Variants in EPHA4 observed in about 807,000 individuals in gnomAD.
EPHA4 encodes the protein EPH receptor A4.
EPHA4 carries 19 observed loss-of-function variants against 108.3 expected under a neutral mutation model. The ratio of observed to expected loss-of-function variants is 0.18; its 90% CI spans 0.12 to 0.26. The LOEUF (loss-of-function observed/expected upper bound fraction) is 0.26. EPHA4 is among the 10% of genes least tolerant of loss of function. The probability of loss-of-function intolerance (pLI) is 1.00; values close to 1 mark genes in which losing one functional copy is unlikely to be tolerated. For synonymous variants in EPHA4, 449 were observed against 455.5 expected, an observed-to-expected ratio of 0.99 and a Z score of 0.18; for missense variants, 917 against 1,254.0, an observed-to-expected ratio of 0.73 and a Z score of 4.06.
chr2:221,443,736 G>A, intron 9 of EPHA4, 130 bp from the exon 10 acceptor site: 1 of 533,626 alleles, frequency 1.9e-6, no homozygotes, highest in Non-Finnish European at 3.3e-6. Context: ...ATATGAAAAT[G>A]GTTAAATTCT....
At chr2:221,455,161 G>A (rs1393895901) in intron 8 of EPHA4, among the ~76,000 whole-genome samples, 3 of 152,184 alleles carry the variant, frequency 2.0e-5, no homozygotes, top group Admixed American at 6.5e-5. Flanking sequence ...GGTTTATGTA[G>A]TAGTAGCTGG....
intron 3 of EPHA4, among the ~76,000 whole-genome samples, chr2:221,525,738 A>G (rs982936879): frequency 4.6e-5 from 7 of 152,212 alleles, no homozygotes; most frequent in Admixed American, 1.3e-4. Flanking sequence ...TCCAGGAAAC[A>G]AAGTTGGAGC....
At chr2:221,549,287 G>A (rs928535992) in intron 3 of EPHA4, among the ~76,000 whole-genome samples, 1 of 152,156 alleles carries the variant, frequency 6.6e-6, no homozygotes, top group Non-Finnish European at 1.5e-5. Context: ...AATTTGTGTG[G>A]TTATGTGAAA....
intron 3 of EPHA4, among the ~76,000 whole-genome samples, chr2:221,542,987 T>C (rs999352161): frequency 1.3e-5 from 2 of 152,238 alleles, no homozygotes; most frequent in Non-Finnish European, 2.9e-5. Flanking sequence ...GAGTATTGCA[T>C]GGAAATTAAC....
At chr2:221,474,422 T>TAAAA (rs35346087) in intron 5 of EPHA4, among the ~76,000 whole-genome samples, 3,268 of 143,870 alleles carry the variant, frequency 0.023, 120 homozygotes, top group African/African-American at 0.079. Flanking sequence ...GACTGTTTCT[T>TAAAA]AAAAAAAAAA....
At chr2:221,502,708 A>G in intron 3 of EPHA4, 1 of 408,916 alleles carries the variant, frequency 2.4e-6, no homozygotes, top group Non-Finnish European at 5.0e-6. Context: ...GGCAAGCGGA[A>G]AGGGAATTTA....
rs973610366 is a variant in EPHA4, at chr2:221,501,124, G to A, written c.872C>T (p.Ala291Val). ...YKALSTDATC[A>V]KCPPHSYSVW... is the part of the protein sequence containing the mutation. ...AGAGTAGCTGTGGGGTGGGCACTTG[G>A]CACAGGTGGCATCCGTGGAGAGAGC... The change falls in exon 4 of 18, where the codon GCC (alanine) becomes GTC (valine). Residue 291 changes from alanine to valine, a missense_variant. By Grantham distance (64) the Ala-to-Val change is moderately conservative. Transcript: ENST00000281821. 5 of 1,613,038 alleles carry A rather than the reference G, an allele frequency of 3.1e-6. No homozygotes were observed. The highest frequency in any genetic ancestry group is 1.3e-5 in the African/African-American group (1 of 75,008).
intron 8 of EPHA4, among the ~76,000 whole-genome samples, chr2:221,448,636 C>T (rs1027161824): frequency 9.9e-5 from 15 of 152,068 alleles, no homozygotes; most frequent in African/African-American, 3.4e-4. Context: ...AGGAAAATGC[C>T]ATCGATTGGT....
At chr2:221,530,193 T>C (rs1438619445) in intron 3 of EPHA4, among the ~76,000 whole-genome samples, 2 of 151,606 alleles carry the variant, frequency 1.3e-5, no homozygotes, top group East Asian at 1.9e-4. Context: ...AAAAAAAAAA[T>C]TGGGACAAAG....
intron 3 of EPHA4, among the ~76,000 whole-genome samples, chr2:221,503,048 A>T (rs1692526255): frequency 2.6e-5 from 4 of 152,194 alleles, no homozygotes; most frequent in African/African-American, 9.6e-5. Flanking sequence ...TAGCAGGAAG[A>T]AGGACTGGGG....
rs1454090555 is a variant in EPHA4, at chr2:221,571,413, C to CG, written c.91+744dup. Among the ~76,000 whole-genome samples the CG allele has an allele frequency of 6.6e-6, 1 of 150,490 alleles. No individual in the cohort carries two copies. Among genetic ancestry groups the CG allele is most frequent in the African/African-American group, 2.4e-5 (1 of 40,956 alleles). The stretch of plus-strand genomic sequence containing the variant: ...ATGCACAGAAAACTGAGCACCCAGA[C>CG]GGGTCCCGTCGACCCCGCACGTTAG... On this transcript the variant is annotated intron_variant, in intron 1 of 17. Coordinates refer to ENST00000281821, the MANE Select transcript of EPHA4 (RefSeq NM_004438.5). The surrounding 1 kb of genome is among the most constrained non-coding windows in gnomAD (Gnocchi z 6.3).
At chr2:221,426,302 T>A (rs762771992) in intron 16 of EPHA4, 160 bp from the exon 17 acceptor site, 1 of 1,022,632 alleles carries the variant, frequency 9.8e-7, no homozygotes, top group Non-Finnish European at 1.4e-6. Context: ...AATGCAAGAA[T>A]GTAGATACTT....
intron 5 of EPHA4, among the ~76,000 whole-genome samples, chr2:221,465,941 C>A (rs1574586202): frequency 1.3e-5 from 2 of 152,260 alleles, no homozygotes; most frequent in African/African-American, 4.8e-5. Flanking sequence ...TACTGTGGCC[C>A]ACAGAAGATT....
chr2:221,450,481 G>A (rs1212191306), intron 8 of EPHA4, among the ~76,000 whole-genome samples: 1 of 152,162 alleles, frequency 6.6e-6, no homozygotes, highest in East Asian at 1.9e-4. Flanking sequence ...AACTGCCAAT[G>A]TCAGCTTTTT....
Position 221,434,289 on chromosome 2 carries a change from A to G in EPHA4, c.2349T>C (p.Gly783=). ...CAGTCCACCGGATAGGAATCTTGCCACCCTGTGAACATTTGAGCCATAAGT... is the reference window on the plus strand; with the variant it reads ...CAGTCCACCGGATAGGAATCTTGCCGCCCTGTGAACATTTGAGCCATAAGT... The part of the protein sequence containing the change: ...DDPEAAYTTR[G]GKIPIRWTAP... Residue 783 remains glycine (G), a splice_region_variant and synonymous_variant, in exon 14 of 18, where the codon GGT becomes GGC. Transcript: ENST00000281821. 6.2e-7 allele frequency: 1 copy of G among 1,613,728 alleles called. No homozygotes were observed. The highest frequency in any genetic ancestry group is 8.5e-7 in the Non-Finnish European group (1 of 1,179,856).
intron 5 of EPHA4, 113 bp downstream of exon 5, chr2:221,482,239 C>A: frequency 1.8e-6 from 2 of 1,114,926 alleles, no homozygotes; most frequent in South Asian, 1.8e-5. Context: ...TATAACGCAG[C>A]TCCCAGGCTT....
chr2:221,471,330 T>A (rs1346798), intron 5 of EPHA4, among the ~76,000 whole-genome samples: 80,243 of 151,886 alleles, frequency 0.53, 21,429 homozygotes, highest in Non-Finnish European at 0.56. Flanking sequence ...TGCTGAAGTG[T>A]GAAATTCAGC....
At position 221,520,766 on chromosome 2, in the gene EPHA4, G is replaced by A. The variant is rs1221363497; in HGVS notation, c.824-19594C>T. Among the ~76,000 whole-genome samples the A allele has an allele frequency of 6.6e-5, 10 of 152,210 alleles. No individual in the cohort carries two copies. In the East Asian group the frequency reaches 7.7e-4, roughly 12 times the overall value. ...ATTTTGTTTTCTATGAGCTGGTGAC[G>A]CTGAACAAATGAAAATCATCAATCA... On this transcript the variant is annotated intron_variant, in intron 3 of 17. Transcript: ENST00000281821.
chr2:221,497,724 A>G (rs1692340444), intron 4 of EPHA4, among the ~76,000 whole-genome samples: 1 of 152,074 alleles, frequency 6.6e-6, no homozygotes, highest in Non-Finnish European at 1.5e-5. Context: ...TGACAGAGTG[A>G]GACTCCATCT....
Sources: gnomAD v4.1 joint callset for allele counts (sites outside exome capture counted in the v4.1 genomes callset) on GRCh38, gnomAD v4.1.1 for gene constraint, Gnocchi (gnomAD v3.1) non-coding constraint, MANE v1.5 for transcripts, NCBI Gene and HGNC (gene_info 2026-07-23, HGNC 2026-07-21) for gene names.